CDH4: variants seen among roughly 807,000 people sequenced by gnomAD.
CDH4 encodes the protein cadherin-4.
Under a neutral mutation model 86.0 loss-of-function variants are expected in CDH4, and 33 were observed. That is an observed-to-expected ratio of 0.38 (90% CI 0.29 to 0.51). The LOEUF (loss-of-function observed/expected upper bound fraction) is 0.51, where lower values mean the gene tolerates loss of function less well. Ranked by LOEUF, CDH4 falls within the 20% of genes least tolerant of loss-of-function variation. The probability of loss-of-function intolerance (pLI) is 0.86; values close to 1 mark genes in which losing one functional copy is unlikely to be tolerated. For missense variants in CDH4, 1,114 were observed against 1,307.4 expected, an observed-to-expected ratio of 0.85 and a Z score of 2.28; for synonymous variants, 555 against 549.4, an observed-to-expected ratio of 1.01 and a Z score of -0.14.
At chr20:61,556,744 C>T (rs2086180545) in intron 2 of CDH4, among the ~76,000 whole-genome samples, 1 of 152,156 alleles carries the variant, frequency 6.6e-6, no homozygotes. Context: ...AGTCTTGGTG[C>T]CCCCCACCTT....
At position 61,561,143 on chromosome 20, in the gene CDH4, G is replaced by A. The variant is rs182023150; in HGVS notation, c.170-182420G>A. On this transcript the variant is annotated intron_variant, in intron 2 of 15. Coordinates refer to ENST00000614565, the MANE Select transcript of CDH4 (RefSeq NM_001794.5). ...CCACCCCACCACCCCCAAGACCTGG[G>A]TGCACAGACTCAGGAATTCAGAATT... 2.3e-4 allele frequency among the ~76,000 whole-genome samples: 35 copies of A among 152,296 alleles called. No homozygotes were observed. The East Asian group carries it at 6.2e-3, about 27-fold the overall frequency.
intron 2 of CDH4, among the ~76,000 whole-genome samples, chr20:61,622,825 C>T (rs2086789790): frequency 6.6e-6 from 1 of 152,202 alleles, no homozygotes; most frequent in South Asian, 2.1e-4. Flanking sequence ...AACGTTGCCC[C>T]ATCCCCTGGG....
chr20:61,580,911 A>T (rs889749573), intron 2 of CDH4, among the ~76,000 whole-genome samples: 1 of 152,202 alleles, frequency 6.6e-6, no homozygotes, highest in Non-Finnish European at 1.5e-5. Context: ...ACACCCCAAC[A>T]AACAGCAGGA....
rs1433114301 is a variant in CDH4, at chr20:61,754,156, G to GACC, written c.396+10369_396+10371dup. ...AGATTCTCCTGCACAGCCTCCCAGG[G>GACC]ACCAGTGCTGCAACATCTTGATTTT... is the stretch of plus-strand genomic sequence containing the variant. On this transcript the variant is annotated intron_variant, in intron 3 of 15. Transcript: ENST00000614565. The surrounding 1 kb of genome is among the most constrained non-coding windows in gnomAD (Gnocchi z 4.7). Among the ~76,000 whole-genome samples the GACC allele has an allele frequency of 3.3e-5, 5 of 152,264 alleles. No individual in the cohort carries two copies. Among genetic ancestry groups the GACC allele is most frequent in the African/African-American group, 1.2e-4 (5 of 41,556 alleles).
chr20:61,565,984 C>T (rs1361009653), intron 2 of CDH4, among the ~76,000 whole-genome samples: 1 of 152,190 alleles, frequency 6.6e-6, no homozygotes, highest in African/African-American at 2.4e-5. Context: ...TCGTCTTGTC[C>T]CCGTTGCCCA....
chr20:61,475,452 TC>T (rs371203991), intron 2 of CDH4, among the ~76,000 whole-genome samples: 19 of 38,660 alleles, frequency 4.9e-4, no homozygotes, highest in African/African-American at 8.2e-4. Context: ...GGAATTTACC[TC>T]CCCCCCTCTC....
intron 8 of CDH4, among the ~76,000 whole-genome samples, chr20:61,909,960 G>A (rs756918450): frequency 1.2e-4 from 19 of 152,384 alleles, no homozygotes; most frequent in Admixed American, 3.9e-4. Flanking sequence ...GCCCTCTGCC[G>A]TGGCTGCAGG....
At chr20:61,262,664 A>G (rs1175310732) in intron 2 of CDH4, among the ~76,000 whole-genome samples, 1 of 152,178 alleles carries the variant, frequency 6.6e-6, no homozygotes, top group Non-Finnish European at 1.5e-5. Flanking sequence ...GCTCCATGAC[A>G]CTAATTTCAA....
At chr20:61,629,150 A>T (rs1475371024) in intron 2 of CDH4, among the ~76,000 whole-genome samples, 1 of 152,214 alleles carries the variant, frequency 6.6e-6, no homozygotes, top group African/African-American at 2.4e-5. Flanking sequence ...TGGAGAGCAG[A>T]GAGGGGCTGG....
intron 4 of CDH4, among the ~76,000 whole-genome samples, chr20:61,832,740 G>C (rs550533602): frequency 6.6e-6 from 1 of 152,094 alleles, no homozygotes; most frequent in Non-Finnish European, 1.5e-5. Context: ...CAACACCTGG[G>C]TATTACAATT....
At chr20:61,483,255 C>T (rs534445088) in intron 2 of CDH4, among the ~76,000 whole-genome samples, 5 of 152,122 alleles carry the variant, frequency 3.3e-5, no homozygotes, top group Non-Finnish European at 7.3e-5. Context: ...TCCAGCTGGA[C>T]CTGAAAGAGG....
At chr20:61,780,997 CAGATCCTTGGCT>C (rs1412084689) in intron 4 of CDH4, among the ~76,000 whole-genome samples, 21 of 152,198 alleles carry the variant, frequency 1.4e-4, no homozygotes, top group African/African-American at 4.6e-4. Context: ...AAGCTCTGCC[CAGATCCTTGGCT>C]GCCCCGGAAA....
chr20:61,920,030 C>CGCA (rs2054953877), intron 9 of CDH4, among the ~76,000 whole-genome samples: 16 of 86,034 alleles, frequency 1.9e-4, no homozygotes, highest in East Asian at 7.8e-4. Context: ...GGAAGCGTGT[C>CGCA]GTGATTGTGT....
At chr20:61,560,732 G>A (rs1348628063) in intron 2 of CDH4, among the ~76,000 whole-genome samples, 1 of 152,238 alleles carries the variant, frequency 6.6e-6, no homozygotes, top group African/African-American at 2.4e-5. Context: ...CCCAGGTCCT[G>A]GTGACCACCT....
At chr20:61,655,521 C>T (rs2087177949) in intron 2 of CDH4, among the ~76,000 whole-genome samples, 1 of 152,260 alleles carries the variant, frequency 6.6e-6, no homozygotes, top group South Asian at 2.1e-4. Context: ...CTGCCGTGTT[C>T]TCCTCTCTCT....
At chr20:61,523,392 G>A (rs927390378) in intron 2 of CDH4, among the ~76,000 whole-genome samples, 6 of 152,348 alleles carry the variant, frequency 3.9e-5, no homozygotes, top group Non-Finnish European at 5.9e-5. Flanking sequence ...GTGGCATGGC[G>A]TGCTCCTCGC....
intron 4 of CDH4, among the ~76,000 whole-genome samples, chr20:61,773,848 T>G (rs1322797731): frequency 6.6e-6 from 1 of 151,852 alleles, no homozygotes; most frequent in Non-Finnish European, 1.5e-5. Context: ...GTCCCCAGAG[T>G]GTGCTTAAGG....
At chr20:61,646,969 G>A (rs1476098975) in intron 2 of CDH4, among the ~76,000 whole-genome samples, 3 of 152,246 alleles carry the variant, frequency 2.0e-5, no homozygotes, top group Admixed American at 6.5e-5. Flanking sequence ...CTGGGAAAGT[G>A]AAGGCTCCAG....
intron 2 of CDH4, among the ~76,000 whole-genome samples, chr20:61,659,395 A>G (rs2087227151): frequency 6.6e-6 from 1 of 152,128 alleles, no homozygotes; most frequent in Non-Finnish European, 1.5e-5. Flanking sequence ...AACAAAGAAC[A>G]AGTGCAGGGA....
Sources: allele counts gnomAD v4.1 joint callset (sites outside exome capture counted in the v4.1 genomes callset), GRCh38; gene constraint gnomAD v4.1.1; non-coding constraint Gnocchi (gnomAD v3.1); transcripts MANE v1.5; gene names NCBI Gene and HGNC (gene_info 2026-07-23, HGNC 2026-07-21).